The following GRM1 variants were observed in gnomAD, a reference collection of about 807,000 sequenced individuals.
GRM1 encodes the protein metabotropic glutamate receptor 1.
GRM1 carries 33 observed loss-of-function variants against 90.9 expected under a neutral mutation model. The observed-to-expected ratio is 0.36, with a 90% CI of 0.28 to 0.49. The LOEUF (loss-of-function observed/expected upper bound fraction) is 0.49, where lower values mean the gene tolerates loss of function less well. GRM1 is among the 20% of genes least tolerant of loss of function. The probability of loss-of-function intolerance (pLI) is 0.99; values close to 1 mark genes in which losing one functional copy is unlikely to be tolerated. For synonymous variants in GRM1, 700 were observed against 613.2 expected (o/e 1.14, Z -2.09); for missense variants, 1,190 against 1,534.3 (o/e 0.78, Z 3.75).
In GRM1 at chr6:146,055,989, T is replaced by C. The variant is rs530453101; in HGVS notation, c.700+25772T>C. Among the ~76,000 whole-genome samples, 77 of 152,254 alleles carry C rather than the reference T, an allele frequency of 5.1e-4. 1 individual carries two copies. The highest frequency in any genetic ancestry group is 1.6e-3 in the African/African-American group (65 of 41,562). On this transcript the variant is annotated intron_variant, in intron 1 of 7. Coordinates refer to ENST00000282753, the MANE Select transcript of GRM1 (RefSeq NM_001278064.2). ...TAATCAGTGAGAAGAACCCTCCAAC[T>C]GATTCATTGGTTAGTTAACATATTT...
chr6:146,310,234 A>G (rs1372511756), intron 3 of GRM1, among the ~76,000 whole-genome samples: 1 of 152,192 alleles, frequency 6.6e-6, no homozygotes, highest in Non-Finnish European at 1.5e-5. Context: ...TTAGACTGAT[A>G]CTAATTTTCA....
chr6:146,408,526 G>A (rs1030047679), intron 7 of GRM1, among the ~76,000 whole-genome samples: 6 of 152,014 alleles, frequency 3.9e-5, no homozygotes, highest in South Asian at 4.1e-4. Context: ...TTGTTAGCCC[G>A]TGACATTAAA....
rs1554260529 is a variant in GRM1, at chr6:146,043,796, T to TATATATAGATATAG, written c.700+13586_700+13587insGATATAGATATATA. Among the ~76,000 whole-genome samples, 190 of 137,938 alleles carry TATATATAGATATAG rather than the reference T, an allele frequency of 1.4e-3. 3 individuals carry two copies. Among genetic ancestry groups the TATATATAGATATAG allele is most frequent in the Non-Finnish European group, 2.3e-3 (145 of 63,442 alleles). The allele number at this position is 137,938 out of a possible 152,430, so 90.5% of individuals were successfully genotyped here. On this transcript the variant is annotated intron_variant, in intron 1 of 7. Coordinates refer to ENST00000282753, the MANE Select transcript of GRM1 (RefSeq NM_001278064.2). ...AAGAGTCAGGTGATATATATATATA[T>TATATATAGATATAG]ATATATATATATATAAAGGGAAGTG...
At chr6:146,388,311 C>T (rs1228705648) in intron 6 of GRM1, among the ~76,000 whole-genome samples, 2 of 151,982 alleles carry the variant, frequency 1.3e-5, no homozygotes, top group East Asian at 1.9e-4. Context: ...CCACTAACCC[C>T]TGACTCCATG....
chr6:146,167,729 AG>A (rs1777960489), intron 2 of GRM1, among the ~76,000 whole-genome samples: 2 of 152,062 alleles, frequency 1.3e-5, no homozygotes, highest in Admixed American at 6.6e-5. Flanking sequence ...TTGGATTTTC[AG>A]GTTGTTTATC....
intron 1 of GRM1, among the ~76,000 whole-genome samples, chr6:146,089,558 T>C (rs914489440): frequency 2.0e-5 from 3 of 152,148 alleles, no homozygotes; most frequent in Non-Finnish European, 2.9e-5. Flanking sequence ...CCAGATTTTA[T>C]TTATTTTTGC....
intron 2 of GRM1, among the ~76,000 whole-genome samples, chr6:146,223,982 T>A (rs1780155671): frequency 6.6e-6 from 1 of 152,090 alleles, no homozygotes; most frequent in African/African-American, 2.4e-5. Context: ...TTATAGCAGA[T>A]CCATTTTTAA....
intron 3 of GRM1, among the ~76,000 whole-genome samples, chr6:146,344,008 A>C (rs1199975779): frequency 6.6e-6 from 1 of 152,204 alleles, no homozygotes; most frequent in Non-Finnish European, 1.5e-5. Flanking sequence ...ATGCCAGACC[A>C]CATGTAAACA....
chr6:146,428,814 T>C (rs577999131), intron 7 of GRM1, among the ~76,000 whole-genome samples: 1 of 152,318 alleles, frequency 6.6e-6, no homozygotes, highest in African/African-American at 2.4e-5. Flanking sequence ...AAACTGTACT[T>C]GGAAAAATTT....
intron 2 of GRM1, among the ~76,000 whole-genome samples, chr6:146,162,539 G>A (rs1777765719): frequency 6.6e-6 from 1 of 152,088 alleles, no homozygotes; most frequent in South Asian, 2.1e-4. Flanking sequence ...GGACCTCTTG[G>A]CCATCTAGTC....
chr6:146,301,248 C>T (rs1783366849), intron 2 of GRM1, among the ~76,000 whole-genome samples: 1 of 152,118 alleles, frequency 6.6e-6, no homozygotes, highest in Non-Finnish European at 1.5e-5. Context: ...AAAGAGCAGG[C>T]ACCTATAGTG....
chr6:146,318,068 A>G (rs1006552720), intron 3 of GRM1, among the ~76,000 whole-genome samples: 21 of 152,184 alleles, frequency 1.4e-4, no homozygotes, highest in Non-Finnish European at 2.9e-4. Flanking sequence ...TGTTACGTAG[A>G]TATACATGTG....
chr6:146,150,639 T>C (rs1028589720), intron 1 of GRM1, among the ~76,000 whole-genome samples: 5 of 152,188 alleles, frequency 3.3e-5, no homozygotes, highest in Non-Finnish European at 7.3e-5. Context: ...GTGGTGCTAC[T>C]AAATAGTAGA....
intron 1 of GRM1, among the ~76,000 whole-genome samples, chr6:146,064,726 G>A (rs1390955152): frequency 6.7e-6 from 1 of 148,996 alleles, no homozygotes; most frequent in African/African-American, 2.5e-5. Context: ...GAGAGGTGGA[G>A]CTTGCAGTGA....
Position 146,268,139 on chromosome 6 carries a change from C to T in GRM1, c.951-36472C>T, listed in dbSNP as rs192491673. 4.6e-5 allele frequency among the ~76,000 whole-genome samples: 7 copies of T among 152,278 alleles called. 1 individual carries two copies. Among genetic ancestry groups the T allele is most frequent in the Admixed American group, 3.3e-4 (5 of 15,294 alleles). ...GCTTTCCACCTCTACTAAACACATT[C>T]CTCAAGACTTGACATGTTTTCACTT... On this transcript the variant is annotated intron_variant, in intron 2 of 7. Transcript: ENST00000282753.
chr6:146,310,545 G>A (rs1033114218), intron 3 of GRM1, among the ~76,000 whole-genome samples: 3 of 152,048 alleles, frequency 2.0e-5, no homozygotes, highest in African/African-American at 7.2e-5. Flanking sequence ...ACCCCTTTTT[G>A]TATCCATGCT....
chr6:146,234,391 A>G (rs1404152005), intron 2 of GRM1, among the ~76,000 whole-genome samples: 1 of 151,658 alleles, frequency 6.6e-6, no homozygotes, highest in Non-Finnish European at 1.5e-5. Flanking sequence ...CCTATTTGTT[A>G]TATATGTTTC....
chr6:146,268,587 G>T (rs1782004651), intron 2 of GRM1, among the ~76,000 whole-genome samples: 1 of 152,042 alleles, frequency 6.6e-6, no homozygotes, highest in African/African-American at 2.4e-5. Context: ...TGAAAATTCT[G>T]GTGTAGAGAT....
At chr6:146,170,265 A>T (rs9485051) in intron 2 of GRM1, among the ~76,000 whole-genome samples, 6,161 of 152,182 alleles carry the variant, frequency 0.04, 425 homozygotes, top group African/African-American at 0.14. Context: ...TGTTTATCTT[A>T]CTTAGAGTTC....
Sources: allele counts gnomAD v4.1 joint callset (sites outside exome capture counted in the v4.1 genomes callset), GRCh38; gene constraint gnomAD v4.1.1; transcripts MANE v1.5; gene names NCBI Gene and HGNC (gene_info 2026-07-23, HGNC 2026-07-21).